The following TRAK1 variants were observed in gnomAD, a reference collection of about 807,000 sequenced individuals.
The protein encoded by TRAK1 is trafficking kinesin protein 1.
A neutral mutation model predicts 92.1 loss-of-function variants in TRAK1; 33 were observed. That is an observed-to-expected ratio of 0.36 (90% CI 0.27 to 0.48). The LOEUF is 0.48. Ranked by LOEUF, TRAK1 falls within the 20% of genes least tolerant of loss-of-function variation. The probability of loss-of-function intolerance (pLI) is 0.99; values close to 1 mark genes in which losing one functional copy is unlikely to be tolerated. For missense variants in TRAK1, 1,123 were observed against 1,257.9 expected, an observed-to-expected ratio of 0.89 and a Z score of 1.62; for synonymous variants, 521 against 517.3, an observed-to-expected ratio of 1.01 and a Z score of -0.10.
intron 1 of TRAK1, among the ~76,000 whole-genome samples, chr3:42,069,358 G>A (rs191405864): frequency 2.6e-4 from 39 of 150,784 alleles, no homozygotes; most frequent in Non-Finnish European, 1.9e-4. Flanking sequence ...TGGGTGGGTC[G>A]GATGGTGCAG....
intron 1 of TRAK1, among the ~76,000 whole-genome samples, chr3:42,078,906 A>C (rs1469665258): frequency 6.6e-6 from 1 of 152,230 alleles, no homozygotes; most frequent in Non-Finnish European, 1.5e-5. Context: ...AGAAGCCTCC[A>C]GGAGCTCATG....
Position 42,109,990 on chromosome 3 carries a change from T to C in TRAK1, c.92-15430T>C, listed in dbSNP as rs923050004. Among the ~76,000 whole-genome samples the C allele has an allele frequency of 4.5e-4, 68 of 150,398 alleles. 2 individuals carry two copies. The South Asian group carries it at 0.013, about 29-fold the overall frequency. On this transcript the variant is annotated intron_variant, in intron 1 of 15. Coordinates refer to ENST00000327628, the MANE Select transcript of TRAK1 (RefSeq NM_001042646.3). ...GCGGGGGGGATGGCATTAGGAGATA[T>C]ACCTAATATAAATGATGAGTTAATG...
intron 8 of TRAK1, among the ~76,000 whole-genome samples, 179 bp from the exon 9 acceptor site, chr3:42,193,641 AGAAT>A (rs892271476): frequency 1.3e-5 from 2 of 152,210 alleles, no homozygotes; most frequent in African/African-American, 2.4e-5. Context: ...TGGGCTATAG[AGAAT>A]GAATGTGGAT....
intron 2 of TRAK1, chr3:42,149,706 G>A: frequency 7.1e-7 from 1 of 1,411,562 alleles, no homozygotes. Flanking sequence ...CTGGCGGGTG[G>A]GAGGTACCAG....
At chr3:42,086,354 G>A (rs1340771659), upstream of TRAK1, among the ~76,000 whole-genome samples, 1 of 144,562 alleles carries the variant, frequency 6.9e-6, no homozygotes, top group South Asian at 2.2e-4. Flanking sequence ...TGCCCAGACT[G>A]GAGCCCAGTG....
intron 1 of TRAK1, among the ~76,000 whole-genome samples, chr3:42,027,994 C>T (rs746674676): frequency 5.3e-5 from 8 of 152,192 alleles, no homozygotes; most frequent in East Asian, 1.9e-4. Flanking sequence ...GGATTATAGG[C>T]GCCAGCTATC....
rs77479493 is a variant in TRAK1, at chr3:42,164,076, G to A, written c.287-12738G>A. On this transcript the variant is annotated intron_variant, in intron 2 of 15. Coordinates refer to ENST00000327628, the MANE Select transcript of TRAK1 (RefSeq NM_001042646.3). Reference sequence around the variant, plus strand: ...TCATGGCCAGTTTTGCTGGAAACACGTGTATCTCAGAGCAAGCTGGGCAGG... The same window carrying A: ...TCATGGCCAGTTTTGCTGGAAACACATGTATCTCAGAGCAAGCTGGGCAGG... Among the ~76,000 whole-genome samples, 161 of 152,342 alleles carry A rather than the reference G, an allele frequency of 1.1e-3. 2 individuals are homozygous for A. In the East Asian group the frequency reaches 0.028, roughly 27 times the overall value.
At chr3:42,035,139 A>G (rs760235122) in intron 1 of TRAK1, among the ~76,000 whole-genome samples, 1 of 152,126 alleles carries the variant, frequency 6.6e-6, no homozygotes, top group Non-Finnish European at 1.5e-5. Flanking sequence ...ACCACCTTCT[A>G]GTCCTGGCAT....
intron 1 of TRAK1, among the ~76,000 whole-genome samples, chr3:42,100,344 A>T (rs1345974580): frequency 2.6e-5 from 4 of 152,174 alleles, no homozygotes; most frequent in Non-Finnish European, 4.4e-5. Flanking sequence ...TCCAGCCTGG[A>T]TGACAGAGCA....
chr3:42,075,069 G>A (rs1175174463), intron 1 of TRAK1, among the ~76,000 whole-genome samples: 1 of 152,024 alleles, frequency 6.6e-6, no homozygotes, highest in Non-Finnish European at 1.5e-5. Context: ...GCATTCTGTG[G>A]TATATGTCCA....
intron 13 of TRAK1, among the ~76,000 whole-genome samples, chr3:42,206,679 G>T (rs1708368524): frequency 6.6e-6 from 1 of 152,190 alleles, no homozygotes; most frequent in Admixed American, 6.5e-5. Flanking sequence ...TTCTTACATG[G>T]GTGTTCTTAC....
At chr3:42,035,793 A>G (rs1181437767) in intron 1 of TRAK1, among the ~76,000 whole-genome samples, 2 of 152,228 alleles carry the variant, frequency 1.3e-5, no homozygotes, top group African/African-American at 4.8e-5. Context: ...TGCTAAAGCC[A>G]TTCAGAGCGT....
At chr3:42,140,865 T>C (rs1698556528) in intron 2 of TRAK1, among the ~76,000 whole-genome samples, 1 of 152,100 alleles carries the variant, frequency 6.6e-6, no homozygotes. Flanking sequence ...GGAGGAAAGC[T>C]CTGGAGTCTG....
rs187899947 is a variant in TRAK1 at position 42,038,648 on chromosome 3, C to T, written c.-519+24531C>T. Among the ~76,000 whole-genome samples the T allele has an allele frequency of 5.8e-3, 879 of 151,916 alleles. 5 individuals are homozygous for T. The highest frequency in any genetic ancestry group is 0.019 in the African/African-American group (807 of 41,418). ...TAAAAATACAAAAGAATTTGCCGGG[C>T]GTGGTGGCGGGCGCCTGTAATCCCA... On this transcript the variant is annotated intron_variant, in intron 1 of 16. Transcript: ENST00000487159.
At chr3:42,120,933 T>G (rs1400619414) in intron 1 of TRAK1, among the ~76,000 whole-genome samples, 1 of 152,240 alleles carries the variant, frequency 6.6e-6, no homozygotes, top group African/African-American at 2.4e-5. Context: ...ACCACAAGTA[T>G]GAAGTCTTCC....
At chr3:42,086,311 C>CTTTTTT (rs750932535), upstream of TRAK1, among the ~76,000 whole-genome samples, 5,776 of 140,366 alleles carry the variant, frequency 0.041, 554 homozygotes, top group African/African-American at 0.15. Context: ...CTTTTTCTTT[C>CTTTTTT]TTTTTTTTTT....
rs1710588039 is a variant in TRAK1, at chr3:42,223,792, C to G, written c.*55C>G. 1.4e-5 allele frequency: 22 copies of G among 1,542,084 alleles called. No individual in the cohort carries two copies. In the East Asian group the frequency reaches 4.8e-4, roughly 33 times the overall value. ...GAGACCCACGTTCTCCTCTCTTGCTCCCACCTCCCTCTCTTCCCCCCACAG... is the reference window on the plus strand; with the variant it reads ...GAGACCCACGTTCTCCTCTCTTGCTGCCACCTCCCTCTCTTCCCCCCACAG... On this transcript the variant is annotated 3_prime_UTR_variant, in exon 16 of 16. Transcript: ENST00000327628. The surrounding 1 kb of genome is among the most constrained non-coding windows in gnomAD (Gnocchi z 6.1).
intron 14 of TRAK1, chr3:42,217,522 A>G (rs537641721): frequency 1.8e-5 from 18 of 985,326 alleles, no homozygotes; most frequent in Non-Finnish European, 2.2e-5. Context: ...TACACTCCCT[A>G]TTGCAATTGA....
chr3:42,087,961 A>G (rs1704767187), upstream of TRAK1, among the ~76,000 whole-genome samples: 1 of 152,124 alleles, frequency 6.6e-6, no homozygotes, highest in Non-Finnish European at 1.5e-5. Flanking sequence ...TAGTAGAGCT[A>G]TTGCTTTTTT....
Sources: gnomAD v4.1 joint callset for allele counts (sites outside exome capture counted in the v4.1 genomes callset) on GRCh38, gnomAD v4.1.1 for gene constraint, Gnocchi (gnomAD v3.1) non-coding constraint, MANE v1.5 for transcripts, NCBI Gene and HGNC (gene_info 2026-07-23, HGNC 2026-07-21) for gene names.